The following GLDC variants were observed in gnomAD, a reference collection of about 807,000 sequenced individuals.
GLDC encodes the protein glycine decarboxylase.
A neutral mutation model predicts 121.3 loss-of-function variants in GLDC; 104 were observed. The observed-to-expected ratio is 0.86, with a 90% CI of 0.73 to 1.01. The LOEUF (loss-of-function observed/expected upper bound fraction) is 1.01, where lower values mean the gene tolerates loss of function less well. Among genes scored for constraint, GLDC ranks in the 50% least tolerant of loss-of-function variants. GLDC has a pLI of 0.00. For missense variants in GLDC, 1,429 were observed against 1,306.6 expected, an observed-to-expected ratio of 1.09 and a Z score of -1.44; for synonymous variants, 546 against 480.6, an observed-to-expected ratio of 1.14 and a Z score of -1.78.
intron 3 of GLDC, among the ~76,000 whole-genome samples, chr9:6,613,778 G>A (rs2129928819): frequency 6.6e-6 from 1 of 151,808 alleles, no homozygotes; most frequent in South Asian, 2.1e-4. Context: ...TAGTTTTTTG[G>A]GGTTTTTATT....
At chr9:6,542,536 G>A (rs1332510781) in intron 21 of GLDC, among the ~76,000 whole-genome samples, 3 of 152,112 alleles carry the variant, frequency 2.0e-5, no homozygotes, top group East Asian at 3.9e-4. Context: ...CTGCGCCCAG[G>A]CAAAACATGC....
chr9:6,605,057 A>G, intron 6 of GLDC, 74 bp downstream of exon 6: 3 of 1,326,086 alleles, frequency 2.3e-6, no homozygotes, highest in Non-Finnish European at 3.3e-6. Context: ...ATGAAAAGAC[A>G]GAGAGAGAGA....
intron 2 of GLDC, among the ~76,000 whole-genome samples, chr9:6,627,745 G>A (rs911192276): frequency 1.4e-4 from 22 of 152,140 alleles, no homozygotes; most frequent in African/African-American, 5.1e-4. Context: ...ATGAACAGAG[G>A]GGTAAGCTGC....
chr9:6,640,597 C>T (rs1034532598), intron 2 of GLDC, among the ~76,000 whole-genome samples: 1 of 152,358 alleles, frequency 6.6e-6, no homozygotes, highest in African/African-American at 2.4e-5. Flanking sequence ...AACTCATCTC[C>T]TCAGTTCTAG....
At chr9:6,589,852 C>T (rs951165042) in intron 11 of GLDC, among the ~76,000 whole-genome samples, 34 of 152,124 alleles carry the variant, frequency 2.2e-4, no homozygotes, top group Admixed American at 6.5e-5. Context: ...GTCAGGAGAT[C>T]GAGGCCATCC....
chr9:6,577,798 C>T (rs1818098674), intron 15 of GLDC, among the ~76,000 whole-genome samples: 1 of 150,942 alleles, frequency 6.6e-6, no homozygotes, highest in Admixed American at 6.6e-5. Context: ...CTCCTGCTCC[C>T]CATCTCTACG....
At position 6,558,667 on chromosome 9, in the gene GLDC, T is replaced by C; in HGVS notation, c.1944A>G (p.Lys648=). The C allele has an allele frequency of 6.2e-7, 1 of 1,614,174 alleles. No homozygotes were observed. The highest frequency in any genetic ancestry group is 8.5e-7 in the Non-Finnish European group (1 of 1,180,028). The change falls in exon 17 of 25, where the codon AAA becomes AAG. Residue 648 remains lysine, a synonymous_variant. Coordinates refer to ENST00000321612, the MANE Select transcript of GLDC (RefSeq NM_000170.3). ...EGHRTVCLIP[K]SAHGTNPASA... The stretch of plus-strand genomic sequence containing the variant: ...TTGCTGGGTTGGTCCCATGTGCTGA[T>C]TTCGGAATGAGGCAAACCTACAGAA...
intron 17 of GLDC, among the ~76,000 whole-genome samples, chr9:6,557,302 A>G (rs1479636983): frequency 6.6e-6 from 1 of 152,214 alleles, no homozygotes; most frequent in Admixed American, 6.5e-5. Flanking sequence ...ATTTAAAAAG[A>G]TAAAGAACAG....
intron 11 of GLDC, 95 bp downstream of exon 11, chr9:6,592,048 C>A: frequency 2.5e-6 from 2 of 795,106 alleles, no homozygotes; most frequent in Non-Finnish European, 4.5e-6. Context: ...CAGTGTCACA[C>A]TTGGGCCCCT....
At chr9:6,601,765 C>T (rs537523627) in intron 8 of GLDC, among the ~76,000 whole-genome samples, 6 of 152,210 alleles carry the variant, frequency 3.9e-5, no homozygotes, top group Admixed American at 2.6e-4. Context: ...CCTGGGACTA[C>T]AGGAGCATAC....
chr9:6,600,751 A>C (rs550862254), intron 8 of GLDC, among the ~76,000 whole-genome samples: 1 of 152,172 alleles, frequency 6.6e-6, no homozygotes, highest in Admixed American at 6.5e-5. Flanking sequence ...TGGGCCTCCA[A>C]CTGATCCTAG....
In GLDC at chr9:6,639,667, A is replaced by ATATATATATATATATATAT. The variant is rs1161670967; in HGVS notation, c.334+4946_334+4947insATATATATATATATATATA. The stretch of plus-strand genomic sequence containing the variant: ...TATATATCTTTTCACCATAAAAAAA[A>ATATATATATATATATATAT]AGTATATATATATATATATATGGAC... On this transcript the variant is annotated intron_variant, in intron 2 of 24. Coordinates refer to ENST00000321612, the MANE Select transcript of GLDC (RefSeq NM_000170.3). 8 of 322,160 alleles carry ATATATATATATATATATAT rather than the reference A, an allele frequency of 2.5e-5. 1 individual carries two copies. The East Asian group carries it at 3.3e-4, about 13-fold the overall frequency. The allele number at this position is 322,160 out of a possible 1,614,324, so 20.0% of individuals were successfully genotyped here.
At chr9:6,592,122 G>A (rs757702520) in intron 11 of GLDC, 21 bp downstream of exon 11, 12 of 1,429,868 alleles carry the variant, frequency 8.4e-6, no homozygotes, top group East Asian at 6.8e-5. Context: ...GATGAGGAAC[G>A]CATGTTTTTA....
intron 21 of GLDC, among the ~76,000 whole-genome samples, chr9:6,549,025 G>A (rs914493133): frequency 2.6e-5 from 4 of 152,006 alleles, no homozygotes; most frequent in African/African-American, 2.4e-5. Context: ...AACACCCAGC[G>A]TCTGCCTCAC....
At position 6,587,253 on chromosome 9, in the gene GLDC, G is replaced by C. The variant is rs1164241828; in HGVS notation, c.1738C>G (p.His580Asp). ...GCTTGATCCAGAGGCACAAAGGGGT[G>C]GATGTTTGCAAATTCTTTCCATGTG... ...PITWKEFANI[H>D]PFVPLDQAQG... Residue 580 changes from histidine to aspartate, a missense_variant, in exon 15 of 25, where the codon CAC becomes GAC. Coordinates refer to ENST00000321612, the MANE Select transcript of GLDC (RefSeq NM_000170.3). 1.9e-6 allele frequency: 3 copies of C among 1,613,824 alleles called. No individual in the cohort carries two copies. Among genetic ancestry groups the C allele is most frequent in the Non-Finnish European group, 2.5e-6 (3 of 1,179,816 alleles).
chr9:6,571,619 T>A (rs1019867553), intron 15 of GLDC, among the ~76,000 whole-genome samples: 4 of 152,140 alleles, frequency 2.6e-5, no homozygotes, highest in African/African-American at 9.7e-5. Context: ...ATATACACAG[T>A]GGATATGCTG....
rs1288008254 is a variant in GLDC at position 6,533,118 on chromosome 9, G to A, written c.2962C>T (p.Arg988Trp). The A allele has an allele frequency of 1.9e-6, 3 of 1,612,246 alleles. No individual in the cohort carries two copies. Among genetic ancestry groups the A allele is most frequent in the Non-Finnish European group, 2.5e-6 (3 of 1,178,358 alleles). The change falls in exon 25 of 25, where the codon CGG (arginine) becomes TGG (tryptophan). Residue 988 changes from arginine to tryptophan, a missense_variant. By Grantham distance (101) the Arg-to-Trp change is moderately radical. Transcript: ENST00000321612. ...TGATCTCCATATATGTCATCAATCCGGGCAATCGTTGGCCAGAATTTGTTC... is the reference window on the plus strand; with the variant it reads ...TGATCTCCATATATGTCATCAATCCAGGCAATCGTTGGCCAGAATTTGTTC... ...PENKFWPTIARIDDIYGDQHL... is the reference protein window; with the variant it reads ...PENKFWPTIAWIDDIYGDQHL...
intron 2 of GLDC, among the ~76,000 whole-genome samples, chr9:6,626,541 T>G (rs985808258): frequency 6.6e-6 from 1 of 152,224 alleles, no homozygotes; most frequent in South Asian, 2.1e-4. Context: ...TAATTAATTA[T>G]TTTGTTCTTC....
At chr9:6,535,582 T>G (rs150677643) in intron 23 of GLDC, among the ~76,000 whole-genome samples, 3 of 152,190 alleles carry the variant, frequency 2.0e-5, no homozygotes, top group East Asian at 1.9e-4. Flanking sequence ...ACAAGAAACT[T>G]AGGACTCTGA....
Sources: gnomAD v4.1 joint callset for allele counts (sites outside exome capture counted in the v4.1 genomes callset) on GRCh38, gnomAD v4.1.1 for gene constraint, MANE v1.5 for transcripts, NCBI Gene and HGNC (gene_info 2026-07-23, HGNC 2026-07-21) for gene names.